GRIA3: variants seen among roughly 807,000 people sequenced by gnomAD.
The protein encoded by GRIA3 is glutamate ionotropic receptor AMPA type subunit 3.
Under a neutral mutation model 63.0 loss-of-function variants are expected in GRIA3, and 3 were observed. That is an observed-to-expected ratio of 0.05 (90% CI 0.02 to 0.12). The LOEUF (loss-of-function observed/expected upper bound fraction) is 0.12. Ranked by LOEUF, GRIA3 falls within the 10% of genes least tolerant of loss-of-function variation. The pLI is 1.00. For missense variants in GRIA3, 347 were observed against 700.9 expected (o/e 0.50, Z 5.70); for synonymous variants, 274 against 257.9 (o/e 1.06, Z -0.60).
intron 3 of GRIA3, among the ~76,000 whole-genome samples, chrX:123,271,039 G>T (rs2044518277): frequency 1.8e-5 from 2 of 111,737 alleles, no homozygotes; most frequent in Non-Finnish European, 3.8e-5. Flanking sequence ...AAAATAGGAG[G>T]CAAAGGCAAC....
chrX:123,384,167 C>T (rs776123475), intron 5 of GRIA3, among the ~76,000 whole-genome samples: 3 of 111,838 alleles, frequency 2.7e-5, no homozygotes, highest in East Asian at 2.8e-4. Context: ...TGAACATTCA[C>T]GTGCATATGT....
At chrX:123,184,788 G>A (rs1927208024) in intron 1 of GRIA3, 144 bp downstream of exon 1, 3 of 508,041 alleles carry the variant, frequency 5.9e-6, no homozygotes, top group South Asian at 5.2e-5. Context: ...GATGGTGCGG[G>A]GCGGGGGGCG....
chrX:123,361,777 A>G (rs2045176491), intron 5 of GRIA3, among the ~76,000 whole-genome samples: 1 of 111,522 alleles, frequency 9.0e-6, no homozygotes, highest in Non-Finnish European at 1.9e-5. Context: ...AATTAAAAGC[A>G]TTTTATCTTC....
At position 123,326,052 on chromosome X, in the gene GRIA3, G is replaced by A; in HGVS notation, c.535G>A (p.Glu179Lys). The A allele has an allele frequency of 8.3e-7, 1 of 1,209,139 alleles. No homozygotes were observed. The highest frequency in any genetic ancestry group is 3.0e-5 in the East Asian group (1 of 33,823). Residue 179 changes from glutamate to lysine, a missense_variant, in exon 4 of 16, where the codon GAA (glutamate) becomes AAA (lysine). This residue lies in a region of GRIA3 where 113 missense variants were observed against 130.6 expected (regional missense o/e 0.87). Coordinates refer to ENST00000620443, the MANE Select transcript of GRIA3 (RefSeq NM_007325.5). ...ATTTTCCATCCTCCAAGCGATTATG[G>A]AAGCAGCAGTGCAAAACAACTGGCA... ...RGFSILQAIM[E>K]AAVQNNWQVT...
At chrX:123,408,276 G>C (rs778860402) in intron 10 of GRIA3, among the ~76,000 whole-genome samples, 101 of 111,657 alleles carry the variant, frequency 9.0e-4, no homozygotes, top group Non-Finnish European at 8.3e-4. Flanking sequence ...TAAGGTGTAA[G>C]TTTCTACTAG....
intron 2 of GRIA3, among the ~76,000 whole-genome samples, chrX:123,221,369 T>C (rs765973016): frequency 7.6e-4 from 85 of 111,871 alleles, no homozygotes; most frequent in African/African-American, 2.7e-3. Context: ...TACAAGGAGG[T>C]AGAAATACAG....
rs750266019 is a variant in GRIA3, at chrX:123,486,070, GGGAA to G, written c.*3-2631_*3-2628del. Among the ~76,000 whole-genome samples, 375 of 104,811 alleles carry G rather than the reference GGGAA, an allele frequency of 3.6e-3. 4 individuals are homozygous for G. Among genetic ancestry groups the G allele is most frequent in the African/African-American group, 0.012 (353 of 28,560 alleles). 91.0% of individuals were successfully genotyped at this position (104,811 alleles called of 115,157 possible). A position where few individuals can be genotyped will look rare whatever the true frequency, so the allele number is the denominator to read the frequency against. ...GGAAGAAAGAGGAAGAAAGGAAGGA[GGGAA>G]GGAAGGAAGGATGGAGGCAGGGAGG... On this transcript the variant is annotated intron_variant, in intron 15 of 15. Coordinates refer to ENST00000620443, the MANE Select transcript of GRIA3 (RefSeq NM_007325.5).
At chrX:123,415,544 T>C (rs1352000486) in intron 10 of GRIA3, among the ~76,000 whole-genome samples, 1 of 111,773 alleles carries the variant, frequency 8.9e-6, no homozygotes, top group Non-Finnish European at 1.9e-5. Flanking sequence ...CAAGATCATC[T>C]GCAGAGAGGA....
chrX:123,232,372 A>C, intron 2 of GRIA3, among the ~76,000 whole-genome samples: 1 of 111,723 alleles, frequency 9.0e-6, no homozygotes, highest in Non-Finnish European at 1.9e-5. Flanking sequence ...CCTACCATCT[A>C]GTCCCCCACT....
At chrX:123,405,529 T>A (rs1321808896) in intron 10 of GRIA3, among the ~76,000 whole-genome samples, 6 of 111,764 alleles carry the variant, frequency 5.4e-5, no homozygotes, top group African/African-American at 2.0e-4. Flanking sequence ...CACTTTATAA[T>A]CTAGCACCCG....
chrX:123,459,732 T>A (rs12860644), intron 12 of GRIA3, among the ~76,000 whole-genome samples: 7 of 110,040 alleles, frequency 6.4e-5, no homozygotes, highest in Non-Finnish European at 1.3e-4. Flanking sequence ...ATCCTGCCCA[T>A]AAATTGTTTA....
intron 2 of GRIA3, among the ~76,000 whole-genome samples, chrX:123,190,018 A>C (rs1185505840): frequency 2.7e-5 from 3 of 111,811 alleles, no homozygotes. Context: ...GCCAAAATCA[A>C]TTTAACTATT....
At chrX:123,267,329 T>C (rs2044494081) in intron 3 of GRIA3, among the ~76,000 whole-genome samples, 1 of 111,315 alleles carries the variant, frequency 9.0e-6, no homozygotes, top group African/African-American at 3.3e-5. Context: ...AAACATTACC[T>C]TCCTGGTCCG....
At chrX:123,247,548 A>G (rs2044366290) in intron 2 of GRIA3, among the ~76,000 whole-genome samples, 1 of 111,581 alleles carries the variant, frequency 9.0e-6, no homozygotes, top group African/African-American at 3.3e-5. Context: ...CTGGGAATAT[A>G]CAGAGACAGG....
chrX:123,482,991 G>A lies in GRIA3; in HGVS notation c.2632G>A (p.Ala878Thr). Residue 878 changes from alanine (A) to threonine (T), a missense_variant, in exon 15 of 16, where the codon GCT becomes ACT. This residue lies in a region of GRIA3 where 29 missense variants were observed against 46.7 expected (regional missense o/e 0.62). Transcript: ENST00000620443. Reference protein sequence around the residue: ...PAPATNTQNYATYREGYNVYG... With the variant: ...PAPATNTQNYTTYREGYNVYG... Reference sequence around the variant, plus strand: ...TCCTGCCACCAACACTCAGAATTATGCTACATACAGAGAAGGCTACAACGT... The same window carrying A: ...TCCTGCCACCAACACTCAGAATTATACTACATACAGAGAAGGCTACAACGT... The A allele has an allele frequency of 8.3e-7, 1 of 1,203,851 alleles. No individual in the cohort carries two copies. The highest frequency in any genetic ancestry group is 1.1e-6 in the Non-Finnish European group (1 of 888,466).
At chrX:123,259,362 C>G (rs2044437039) in intron 3 of GRIA3, among the ~76,000 whole-genome samples, 1 of 111,298 alleles carries the variant, frequency 9.0e-6, no homozygotes, top group Admixed American at 9.5e-5. Flanking sequence ...ATCCCATTCA[C>G]CCAGTTCTAC....
chrX:123,402,393 G>GTA (rs1393233032), intron 7 of GRIA3, among the ~76,000 whole-genome samples: 1 of 58,629 alleles, frequency 1.7e-5, no homozygotes, highest in Admixed American at 1.9e-4. Flanking sequence ...ATATGTGTGT[G>GTA]TGTATATATA....
At chrX:123,291,673 T>C (rs759289032) in intron 3 of GRIA3, among the ~76,000 whole-genome samples, 1 of 111,430 alleles carries the variant, frequency 9.0e-6, no homozygotes, top group South Asian at 3.8e-4. Flanking sequence ...CCTTATCACC[T>C]GGCTTTCACC....
At chrX:123,440,200 C>T (rs755461330) in intron 12 of GRIA3, among the ~76,000 whole-genome samples, 2 of 112,153 alleles carry the variant, frequency 1.8e-5, no homozygotes, top group East Asian at 5.6e-4. Context: ...TGGTCATTGA[C>T]GGGCATTTAA....
Sources: allele counts gnomAD v4.1 joint callset (sites outside exome capture counted in the v4.1 genomes callset), GRCh38; gene constraint gnomAD v4.1.1; regional missense constraint gnomAD v4.1.1; transcripts MANE v1.5; gene names NCBI Gene and HGNC (gene_info 2026-07-23, HGNC 2026-07-21).